Variants in SLC9D1 observed in about 807,000 individuals in gnomAD.
The protein encoded by SLC9D1 is solute carrier family 9 member D1.
At chr13:113,516,816 TAGAA>T in the SLC9D1 span, among the ~76,000 whole-genome samples, 7 of 152,002 alleles carry the variant, frequency 4.6e-5, no homozygotes, top group Non-Finnish European at 8.8e-5. Context: ...TGAAAACACA[TAGAA>T]AGAGGAACAG....
At chr13:113,523,808 A>G in the SLC9D1 span, among the ~76,000 whole-genome samples, 1 of 152,204 alleles carries the variant, frequency 6.6e-6, no homozygotes, top group Non-Finnish European at 1.5e-5. Flanking sequence ...ATATTTTGAT[A>G]TGTTGTATTT....
At chr13:113,535,638 A>G in the SLC9D1 span, among the ~76,000 whole-genome samples, 1 of 152,146 alleles carries the variant, frequency 6.6e-6, no homozygotes, top group African/African-American at 2.4e-5. This position sits in a 1 kb window ranked among gnomAD's most constrained non-coding sequence, Gnocchi z 4.1. Context: ...ACCGGCACAC[A>G]CCTCCGAGAA....
chr13:113,506,190 ACGGG>A, the SLC9D1 span: 1 of 62,924 alleles, frequency 1.6e-5, no homozygotes, highest in Non-Finnish European at 2.8e-5. Flanking sequence ...GGAGCCTGTT[ACGGG>A]TGGGGAGGGT....
chr13:113,517,235 C>A, the SLC9D1 span, among the ~76,000 whole-genome samples: 1 of 152,118 alleles, frequency 6.6e-6, no homozygotes, highest in African/African-American at 2.4e-5. Context: ...TTCATGCAGC[C>A]TTTGTTGTTG....
At chr13:113,501,810 G>A in the SLC9D1 span, 1 of 1,610,192 alleles carries the variant, frequency 6.2e-7, no homozygotes, top group Non-Finnish European at 8.5e-7. Context: ...ACAGCCATAG[G>A]ATTGCCTACA....
the SLC9D1 span, chr13:113,547,179 TG>T: frequency 5.2e-6 from 4 of 775,452 alleles, no homozygotes; most frequent in Non-Finnish European, 8.7e-6. Flanking sequence ...CACGTGCACT[TG>T]GGAGGATTTA....
chr13:113,520,081 A>G, the SLC9D1 span, among the ~76,000 whole-genome samples: 4 of 152,380 alleles, frequency 2.6e-5, no homozygotes, highest in South Asian at 4.1e-4. Flanking sequence ...AATTATATAA[A>G]TAACAAGTAA....
chr13:113,533,180 G>A, the SLC9D1 span, among the ~76,000 whole-genome samples: 202 of 145,720 alleles, frequency 1.4e-3, 1 homozygote, highest in African/African-American at 4.8e-3. Context: ...AGTTGCAGAC[G>A]TGGGCCCTGC....
the SLC9D1 span, chr13:113,520,671 G>C: frequency 1.2e-6 from 2 of 1,614,098 alleles, no homozygotes; most frequent in South Asian, 1.1e-5. Flanking sequence ...AGGACGTGCA[G>C]CTCGGGCTCT....
At chr13:113,514,444 C>T in the SLC9D1 span, 3 of 152,058 alleles carry the variant, frequency 2.0e-5, no homozygotes, top group Non-Finnish European at 2.9e-5. Flanking sequence ...ACATGAGCCT[C>T]GCTAGTATTC....
the SLC9D1 span, among the ~76,000 whole-genome samples, chr13:113,500,558 G>A: frequency 1.3e-5 from 2 of 152,280 alleles, no homozygotes; most frequent in South Asian, 2.1e-4. Flanking sequence ...GCAGTGCCTG[G>A]CGTTCCAGAT....
At chr13:113,517,440 G>A in the SLC9D1 span, among the ~76,000 whole-genome samples, 4 of 152,240 alleles carry the variant, frequency 2.6e-5, no homozygotes, top group East Asian at 1.9e-4. Context: ...GTGTTAGCCA[G>A]GATGGTCTCG....
At chr13:113,534,188 A>G in the SLC9D1 span, 1 of 1,614,166 alleles carries the variant, frequency 6.2e-7, no homozygotes, top group Non-Finnish European at 8.5e-7. Context: ...AGCAAGGGGA[A>G]CAAAGAAATC....
chr13:113,499,362 G>C, the SLC9D1 span, among the ~76,000 whole-genome samples: 3 of 152,310 alleles, frequency 2.0e-5, no homozygotes, highest in Admixed American at 1.3e-4. Flanking sequence ...CTGTGACTAA[G>C]AATGCCTGTC....
the SLC9D1 span, among the ~76,000 whole-genome samples, chr13:113,516,692 AT>A: frequency 2.6e-5 from 4 of 152,008 alleles, no homozygotes; most frequent in African/African-American, 9.7e-5. Flanking sequence ...TCTTACATGG[AT>A]TTTGATGCAA....
At chr13:113,515,209 G>T in the SLC9D1 span, among the ~76,000 whole-genome samples, 10 of 152,092 alleles carry the variant, frequency 6.6e-5, no homozygotes, top group Admixed American at 2.0e-4. Flanking sequence ...ATTATTTTTA[G>T]TAGCAAAAAA....
chr13:113,539,296 G>T, the SLC9D1 span: 1 of 1,557,738 alleles, frequency 6.4e-7, no homozygotes, highest in Non-Finnish European at 8.7e-7. The surrounding 1 kb of genome is among the most constrained non-coding windows in gnomAD (Gnocchi z 4.8). Flanking sequence ...GTGGCCTTGG[G>T]ATGGGGGTGA....
the SLC9D1 span, chr13:113,524,156 G>A: frequency 1.1e-5 from 5 of 456,610 alleles, 1 homozygote; most frequent in South Asian, 6.2e-5. Flanking sequence ...TGTTCTTGCT[G>A]TAGTTGTATC....
At chr13:113,548,585 A>C in the SLC9D1 span, 1 of 956,458 alleles carries the variant, frequency 1.0e-6, no homozygotes, top group Non-Finnish European at 1.5e-6. Flanking sequence ...GGGGGCACGC[A>C]GAGGCCTGGC....
Sources: allele counts gnomAD v4.1 joint callset (sites outside exome capture counted in the v4.1 genomes callset), GRCh38; gene constraint gnomAD v4.1.1; non-coding constraint Gnocchi (gnomAD v3.1); transcripts MANE v1.5; gene names NCBI Gene and HGNC (gene_info 2026-07-23, HGNC 2026-07-21).